Variants in PRP4K observed in about 807,000 individuals in gnomAD.
PRP4K encodes the protein serine/threonine-protein kinase PRP4 homolog.
the PRP4K span, among the ~76,000 whole-genome samples, chr6:4,041,728 C>T: frequency 6.6e-6 from 1 of 151,994 alleles, no homozygotes; most frequent in Non-Finnish European, 1.5e-5. Flanking sequence ...TTCTACAATG[C>T]ACAGGATAAC....
chr6:4,040,780 G>T, the PRP4K span: 1 of 1,613,572 alleles, frequency 6.2e-7, no homozygotes, highest in South Asian at 1.1e-5. Context: ...AGGGACAGAG[G>T]TCGGAGGAGC....
chr6:4,053,979 G>A, the PRP4K span, among the ~76,000 whole-genome samples: 3 of 151,922 alleles, frequency 2.0e-5, no homozygotes, highest in South Asian at 6.2e-4. Flanking sequence ...GTGCCATAAT[G>A]GCTCACTGTA....
chr6:4,032,325 A>G, the PRP4K span: 3 of 1,613,796 alleles, frequency 1.9e-6, no homozygotes, highest in Admixed American at 1.7e-5. Context: ...AGATAAAAGT[A>G]AATCAAAAGA....
chr6:4,024,505 C>G, the PRP4K span, among the ~76,000 whole-genome samples: 2 of 151,514 alleles, frequency 1.3e-5, no homozygotes, highest in Non-Finnish European at 2.9e-5. Context: ...TTCTCTGTGT[C>G]TCTGTATATT....
chr6:4,022,260 A>G, the PRP4K span, among the ~76,000 whole-genome samples: 1 of 139,374 alleles, frequency 7.2e-6, no homozygotes, highest in African/African-American at 2.7e-5. Flanking sequence ...CTTTATGTCT[A>G]TAATTAAGCT....
At chr6:4,023,089 G>GTA in the PRP4K span, among the ~76,000 whole-genome samples, 1 of 152,188 alleles carries the variant, frequency 6.6e-6, no homozygotes, top group African/African-American at 2.4e-5. Flanking sequence ...TATTTGGTCT[G>GTA]TATATGTCTC....
At chr6:4,040,000 G>A in the PRP4K span, among the ~76,000 whole-genome samples, 1 of 151,622 alleles carries the variant, frequency 6.6e-6, no homozygotes, top group African/African-American at 2.4e-5. Flanking sequence ...TGGGCTCAAG[G>A]AATCCTCCCG....
chr6:4,030,236 C>T, the PRP4K span, among the ~76,000 whole-genome samples: 1 of 152,204 alleles, frequency 6.6e-6, no homozygotes, highest in Non-Finnish European at 1.5e-5. Flanking sequence ...AGCCACCATG[C>T]CTGGCTTGTA....
chr6:4,034,155 G>C, the PRP4K span, among the ~76,000 whole-genome samples: 1 of 116,602 alleles, frequency 8.6e-6, no homozygotes, highest in Non-Finnish European at 2.1e-5. Flanking sequence ...GAATATAAGG[G>C]AATTTTTTTT....
chr6:4,033,906 A>C, the PRP4K span, among the ~76,000 whole-genome samples: 4 of 151,936 alleles, frequency 2.6e-5, no homozygotes, highest in Non-Finnish European at 5.9e-5. Flanking sequence ...AGTGCTTCTT[A>C]ATTATCTTGG....
chr6:4,023,716 G>T, the PRP4K span, among the ~76,000 whole-genome samples: 8 of 151,880 alleles, frequency 5.3e-5, no homozygotes, highest in African/African-American at 1.7e-4. Flanking sequence ...AATTCTTTTT[G>T]TTCATTTTAT....
chr6:4,022,102 A>G, the PRP4K span, among the ~76,000 whole-genome samples: 21 of 146,918 alleles, frequency 1.4e-4, no homozygotes, highest in African/African-American at 5.3e-4. Flanking sequence ...TTTTTTACCA[A>G]CTTGCAAACT....
chr6:4,038,399 T>G, the PRP4K span, among the ~76,000 whole-genome samples: 1 of 151,838 alleles, frequency 6.6e-6, no homozygotes, highest in South Asian at 2.1e-4. Context: ...CAATTCTGCC[T>G]CAGCCTCTCA....
At chr6:4,050,896 G>GTTGT in the PRP4K span, among the ~76,000 whole-genome samples, 1,299 of 152,000 alleles carry the variant, frequency 8.5e-3, 46 homozygotes, top group East Asian at 0.13. Flanking sequence ...TTTTTTTGTT[G>GTTGT]TTGTTTGTTT....
the PRP4K span, among the ~76,000 whole-genome samples, chr6:4,040,237 G>C: frequency 1.3e-5 from 2 of 151,406 alleles, no homozygotes; most frequent in African/African-American, 4.9e-5. Flanking sequence ...GTTTCTTTAA[G>C]TTGAGCTCAT....
chr6:4,047,645 A>G, the PRP4K span, among the ~76,000 whole-genome samples: 1 of 152,190 alleles, frequency 6.6e-6, no homozygotes, highest in African/African-American at 2.4e-5. Flanking sequence ...AGAACTTATT[A>G]ATAGAATATT....
chr6:4,061,970 T>G, the PRP4K span: 1 of 152,670 alleles, frequency 6.6e-6, no homozygotes. Flanking sequence ...CCATAAATAG[T>G]TAAAAGCAAC....
At chr6:4,040,056 T>G in the PRP4K span, among the ~76,000 whole-genome samples, 2 of 151,862 alleles carry the variant, frequency 1.3e-5, no homozygotes, top group African/African-American at 4.8e-5. Context: ...GCTAATTTTT[T>G]TGTATGTTTT....
At chr6:4,025,091 C>A in the PRP4K span, among the ~76,000 whole-genome samples, 1 of 152,118 alleles carries the variant, frequency 6.6e-6, no homozygotes, top group Admixed American at 6.6e-5. Flanking sequence ...ATCCAATATT[C>A]AATAGGTTCT....
Sources: gnomAD v4.1 joint callset for allele counts (sites outside exome capture counted in the v4.1 genomes callset) on GRCh38, gnomAD v4.1.1 for gene constraint, MANE v1.5 for transcripts, NCBI Gene and HGNC (gene_info 2026-07-23, HGNC 2026-07-21) for gene names.